Variants in SPAG17 observed in about 807,000 individuals in gnomAD.
The protein encoded by SPAG17 is sperm associated antigen 17.
In SPAG17, 169 loss-of-function variants were observed where a neutral mutation model predicts 273.6. The ratio of observed to expected loss-of-function variants is 0.62; its 90% CI spans 0.55 to 0.70. The LOEUF (loss-of-function observed/expected upper bound fraction) is 0.70. Among genes scored for constraint, SPAG17 ranks in the 30% least tolerant of loss-of-function variants. The pLI, the probability that SPAG17 is intolerant of heterozygous loss-of-function variation, is 0.00. For missense variants in SPAG17, 2,557 were observed against 2,627.8 expected (o/e 0.97, Z 0.59); for synonymous variants, 825 against 873.2 (o/e 0.94, Z 0.97).
intron 4 of SPAG17, among the ~76,000 whole-genome samples, chr1:118,107,690 T>C (rs866105136): frequency 3.9e-5 from 6 of 151,996 alleles, no homozygotes; most frequent in African/African-American, 1.2e-4. Flanking sequence ...CCCTTATAAA[T>C]CCTTATTTAC....
chr1:118,027,350 G>A (rs1317785556), intron 26 of SPAG17, among the ~76,000 whole-genome samples: 3 of 152,154 alleles, frequency 2.0e-5, no homozygotes, highest in Admixed American at 1.3e-4. Flanking sequence ...GAGCTGGGAA[G>A]TAAATAAAAC....
chr1:118,027,750 G>T (rs1227167804), intron 26 of SPAG17, among the ~76,000 whole-genome samples: 1 of 152,184 alleles, frequency 6.6e-6, no homozygotes, highest in East Asian at 1.9e-4. Context: ...GCCATGTACA[G>T]AACCAACACT....
intron 1 of SPAG17, among the ~76,000 whole-genome samples, chr1:118,153,986 G>A (rs1426856663): frequency 1.3e-5 from 2 of 152,146 alleles, no homozygotes. Flanking sequence ...TTTCTCTCAA[G>A]CGCAAAGCTC....
chr1:118,171,459 C>T (rs1570821781), intron 1 of SPAG17, among the ~76,000 whole-genome samples: 1 of 152,232 alleles, frequency 6.6e-6, no homozygotes, highest in East Asian at 1.9e-4. Flanking sequence ...GAGTTATAAA[C>T]TCAAATATCT....
chr1:118,030,416 T>C lies in SPAG17; in HGVS notation c.3609+1276A>G, dbSNP rs79027602. On this transcript the variant is annotated intron_variant, in intron 25 of 48. Transcript: ENST00000336338. ...TCTTTTAGAACCTTCTTTTTTTTTT[T>C]CCAAAACTATTTATTTTACTTTAAG... Among the ~76,000 whole-genome samples, 724 of 152,130 alleles carry C rather than the reference T, an allele frequency of 4.8e-3. 5 individuals are homozygous for C. Among genetic ancestry groups the C allele is most frequent in the African/African-American group, 0.017 (687 of 41,482 alleles).
intron 44 of SPAG17, among the ~76,000 whole-genome samples, chr1:117,973,139 T>C (rs1293462334): frequency 6.6e-6 from 1 of 152,196 alleles, no homozygotes; most frequent in Non-Finnish European, 1.5e-5. Context: ...TTTCAAGCTA[T>C]CAGTGGTTTG....
rs750148039 is a variant in SPAG17 at position 118,087,002 on chromosome 1, C to T, written c.1366G>A (p.Ala456Thr). The T allele has an allele frequency of 1.3e-6, 2 of 1,562,918 alleles. No homozygotes were observed. Among genetic ancestry groups the T allele is most frequent in the South Asian group, 1.2e-5 (1 of 83,644 alleles). Residue 456 changes from alanine to threonine, a missense_variant, in exon 11 of 49, where the codon GCA becomes ACA. Transcript: ENST00000336338. ...GGTGGGACGAGATCTTCTTCAGTTG[C>T]AACAACCTGTTGAAATCAACAATGA... The part of the protein sequence containing the change: ...ILHCMLEQVV[A>T]TEEDLVPPSL...
chr1:117,995,659 C>G (rs1657566299), intron 34 of SPAG17, among the ~76,000 whole-genome samples: 2 of 151,062 alleles, frequency 1.3e-5, no homozygotes, highest in Admixed American at 6.6e-5. Flanking sequence ...TAAATGCACA[C>G]AAAATGTATC....
At chr1:118,064,520 G>A (rs1652732501) in intron 18 of SPAG17, among the ~76,000 whole-genome samples, 2 of 147,492 alleles carry the variant, frequency 1.4e-5, no homozygotes, top group Admixed American at 1.4e-4. Context: ...CTCACTCATA[G>A]GTCGGAATTG....
At chr1:117,956,723 G>A (rs965721607) in intron 48 of SPAG17, among the ~76,000 whole-genome samples, 1 of 152,050 alleles carries the variant, frequency 6.6e-6, no homozygotes, top group African/African-American at 2.4e-5. Flanking sequence ...ATCATGTCAG[G>A]ATCAGTCATC....
chr1:118,157,977 A>G (rs1053727553), intron 1 of SPAG17, among the ~76,000 whole-genome samples: 2 of 152,044 alleles, frequency 1.3e-5, no homozygotes, highest in African/African-American at 2.4e-5. Flanking sequence ...AGACCCAGGG[A>G]AAAAAAATCA....
chr1:117,992,765 T>A (rs1657252099), intron 35 of SPAG17, 117 bp from the exon 36 acceptor site: 1 of 915,468 alleles, frequency 1.1e-6, no homozygotes, highest in Non-Finnish European at 1.5e-6. Context: ...AGGGACACAG[T>A]GGTGAAAAAA....
At chr1:118,184,225 T>C (rs1462934533) in intron 1 of SPAG17, among the ~76,000 whole-genome samples, 2 of 152,156 alleles carry the variant, frequency 1.3e-5, no homozygotes, top group South Asian at 2.1e-4. Flanking sequence ...AAATTTTTTT[T>C]CCCCACTTTT....
At chr1:118,062,377 A>AAAAAAAAAAAAAAAAAAAAAAAAC (rs1652422096) in intron 18 of SPAG17, among the ~76,000 whole-genome samples, 1 of 149,516 alleles carries the variant, frequency 6.7e-6, no homozygotes, top group African/African-American at 2.5e-5. Context: ...AAAAAAAAAA[A>AAAAAAAAAAAAAAAAAAAAAAAAC]AAAAAAAAAA....
intron 48 of SPAG17, chr1:117,954,540 T>C: frequency 6.3e-7 from 1 of 1,597,274 alleles, no homozygotes; most frequent in Non-Finnish European, 8.6e-7. Context: ...TACCTAAGTC[T>C]CAGTTTTTTT....
chr1:118,043,115 A>G (rs1649961736), intron 20 of SPAG17, among the ~76,000 whole-genome samples: 1 of 152,252 alleles, frequency 6.6e-6, no homozygotes. Flanking sequence ...AACATGCTCA[A>G]ATAAATAAAA....
intron 3 of SPAG17, among the ~76,000 whole-genome samples, chr1:118,133,721 TG>T (rs2102303785): frequency 1.3e-5 from 2 of 152,332 alleles, no homozygotes; most frequent in Admixed American, 1.3e-4. Flanking sequence ...TTTGCCTGCA[TG>T]TCCTTCTTCT....
At chr1:118,156,653 C>T (rs1483923090) in intron 1 of SPAG17, among the ~76,000 whole-genome samples, 8 of 152,222 alleles carry the variant, frequency 5.3e-5, no homozygotes, top group Non-Finnish European at 1.2e-4. Flanking sequence ...CAAAGACTCA[C>T]ATCCAAATCT....
chr1:118,125,614 G>C (rs1323178594), intron 3 of SPAG17, among the ~76,000 whole-genome samples: 1 of 152,114 alleles, frequency 6.6e-6, no homozygotes, highest in Non-Finnish European at 1.5e-5. Flanking sequence ...ATATGAGTAA[G>C]AACATGTGGT....
Sources: allele counts gnomAD v4.1 joint callset (sites outside exome capture counted in the v4.1 genomes callset), GRCh38; gene constraint gnomAD v4.1.1; transcripts MANE v1.5; gene names NCBI Gene and HGNC (gene_info 2026-07-23, HGNC 2026-07-21).